Variants in CCSER1 observed in about 807,000 individuals in gnomAD.
CCSER1 encodes the protein serine-rich coiled-coil domain-containing protein 1.
In CCSER1, 41 loss-of-function variants were observed where a neutral mutation model predicts 82.0. The observed-to-expected ratio is 0.50, with a 90% confidence interval of 0.39 to 0.65. The LOEUF (loss-of-function observed/expected upper bound fraction) is 0.65. Ranked by LOEUF, CCSER1 falls within the 30% of genes least tolerant of loss-of-function variation. CCSER1 has a pLI of 0.00. For missense variants in CCSER1, 1,119 were observed against 1,064.2 expected (o/e 1.05, Z -0.72); for synonymous variants, 414 against 383.9 (o/e 1.08, Z -0.92).
chr4:90,600,822 C>T (rs534869687), intron 5 of CCSER1, among the ~76,000 whole-genome samples: 1 of 151,790 alleles, frequency 6.6e-6, no homozygotes, highest in Non-Finnish European at 1.5e-5. Flanking sequence ...TTTATCTTGG[C>T]AATATTTAGT....
chr4:91,374,708 C>T (rs1432140567), intron 10 of CCSER1, among the ~76,000 whole-genome samples: 5 of 152,136 alleles, frequency 3.3e-5, no homozygotes, highest in Non-Finnish European at 7.4e-5. Context: ...TTTAGAAATA[C>T]ATTTAGGCCG....
intron 1 of CCSER1, among the ~76,000 whole-genome samples, chr4:90,191,862 T>G: frequency 6.6e-6 from 1 of 152,234 alleles, no homozygotes; most frequent in South Asian, 2.1e-4. Context: ...TATAATGTGT[T>G]AATCTGTGAC....
chr4:90,434,270 G>A (rs1758713341), intron 4 of CCSER1, among the ~76,000 whole-genome samples: 1 of 152,048 alleles, frequency 6.6e-6, no homozygotes, highest in Non-Finnish European at 1.5e-5. Context: ...GATGAAAAAT[G>A]TATTGTAAAT....
At chr4:91,329,006 C>T (rs1320471430) in intron 10 of CCSER1, among the ~76,000 whole-genome samples, 2 of 152,108 alleles carry the variant, frequency 1.3e-5, no homozygotes, top group Non-Finnish European at 2.9e-5. Flanking sequence ...TGCCTTCTGA[C>T]GTGATTGTGA....
intron 10 of CCSER1, among the ~76,000 whole-genome samples, chr4:91,252,109 T>G (rs932130099): frequency 6.6e-6 from 1 of 152,130 alleles, no homozygotes; most frequent in Non-Finnish European, 1.5e-5. Flanking sequence ...ATGTGGGATC[T>G]TCAATAAAAT....
At position 91,379,308 on chromosome 4, in the gene CCSER1, A is replaced by G. The variant is rs1183570288; in HGVS notation, c.2218-219264A>G. On this transcript the variant is annotated intron_variant, in intron 10 of 10. Coordinates refer to ENST00000509176, the MANE Select transcript of CCSER1 (RefSeq NM_001145065.2). ...ATTCCCTCTTTTTCTATTGATTGGA[A>G]TAGTTTCAGAAGGAATGGTCCCAGC... Among the ~76,000 whole-genome samples the G allele has an allele frequency of 2.0e-5, 3 of 152,268 alleles. No homozygotes were observed. In the East Asian group the frequency reaches 5.8e-4, roughly 29 times the overall value.
chr4:90,193,407 A>G (rs1168326821), intron 1 of CCSER1, among the ~76,000 whole-genome samples: 1 of 152,106 alleles, frequency 6.6e-6, no homozygotes, highest in Admixed American at 6.6e-5. Context: ...AAGGATATTG[A>G]ATTTGGAATT....
At chr4:91,247,790 C>G (rs2149140441) in intron 10 of CCSER1, among the ~76,000 whole-genome samples, 1 of 152,278 alleles carries the variant, frequency 6.6e-6, no homozygotes, top group Middle Eastern at 3.4e-3. Context: ...ATCACTCAAA[C>G]CTGGCAGTTG....
At chr4:90,193,202 A>G (rs1560774946) in intron 1 of CCSER1, among the ~76,000 whole-genome samples, 2 of 152,146 alleles carry the variant, frequency 1.3e-5, no homozygotes, top group Admixed American at 1.3e-4. Flanking sequence ...AGAGTCATGT[A>G]TAAGAGACCC....
At chr4:91,459,868 C>T (rs773623706) in intron 10 of CCSER1, among the ~76,000 whole-genome samples, 1 of 152,070 alleles carries the variant, frequency 6.6e-6, no homozygotes, top group Admixed American at 6.6e-5. Flanking sequence ...TTATTTTACA[C>T]CTGAATATAA....
intron 9 of CCSER1, among the ~76,000 whole-genome samples, chr4:90,978,954 T>G (rs565871171): frequency 2.4e-4 from 37 of 151,718 alleles, no homozygotes; most frequent in African/African-American, 8.4e-4. Context: ...AAAAACAAGG[T>G]AAAGTGTCTC....
chr4:91,161,138 A>G (rs954222577), intron 10 of CCSER1, among the ~76,000 whole-genome samples: 2 of 152,176 alleles, frequency 1.3e-5, no homozygotes, highest in East Asian at 1.9e-4. Flanking sequence ...CAGTTTTCCC[A>G]GCACCATTTA....
intron 1 of CCSER1, among the ~76,000 whole-genome samples, chr4:90,191,132 T>A (rs992031490): frequency 6.6e-6 from 1 of 151,982 alleles, no homozygotes; most frequent in Non-Finnish European, 1.5e-5. Flanking sequence ...TAGGTTCTTG[T>A]AGGGTTTATA....
intron 1 of CCSER1, among the ~76,000 whole-genome samples, chr4:90,146,272 G>A (rs748385325): frequency 9.2e-5 from 14 of 151,948 alleles, no homozygotes; most frequent in Non-Finnish European, 1.6e-4. Flanking sequence ...TGCAAGAACA[G>A]GAGATCAGAG....
At chr4:90,965,549 C>G (rs1325003848) in intron 9 of CCSER1, among the ~76,000 whole-genome samples, 2 of 152,086 alleles carry the variant, frequency 1.3e-5, no homozygotes, top group East Asian at 1.9e-4. Context: ...TCAAGATAAT[C>G]TTTGTTTAAT....
chr4:90,391,504 A>AATATATATATATATATATATATATAT (rs70963065), intron 3 of CCSER1, among the ~76,000 whole-genome samples: 7 of 79,412 alleles, frequency 8.8e-5, no homozygotes, highest in Non-Finnish European at 1.4e-4. Flanking sequence ...ACAGTGGGTA[A>AATATATATATATATATATATATATAT]ATATATATAT....
At chr4:91,587,931 ATAT>A (rs1441939365) in intron 10 of CCSER1, among the ~76,000 whole-genome samples, 2 of 151,566 alleles carry the variant, frequency 1.3e-5, no homozygotes, top group Non-Finnish European at 3.0e-5. Context: ...TCTTGAATTA[ATAT>A]TATATCAAAA....
At chr4:90,415,937 T>C (rs1486397433) in intron 4 of CCSER1, among the ~76,000 whole-genome samples, 1 of 152,220 alleles carries the variant, frequency 6.6e-6, no homozygotes, top group African/African-American at 2.4e-5. Context: ...GTGTTAGTAC[T>C]GGGGTAGGTT....
chr4:91,430,796 A>T (rs1326393952), intron 10 of CCSER1, among the ~76,000 whole-genome samples: 1 of 152,192 alleles, frequency 6.6e-6, no homozygotes, highest in Admixed American at 6.5e-5. Context: ...CTACACTTTT[A>T]TGAGTGTGCT....
Sources: allele counts gnomAD v4.1 joint callset (sites outside exome capture counted in the v4.1 genomes callset), GRCh38; gene constraint gnomAD v4.1.1; transcripts MANE v1.5; gene names NCBI Gene and HGNC (gene_info 2026-07-23, HGNC 2026-07-21).